SMURF2: variants seen among roughly 807,000 people sequenced by gnomAD.
The protein encoded by SMURF2 is SMAD specific E3 ubiquitin protein ligase 2.
Under a neutral mutation model 109.6 loss-of-function variants are expected in SMURF2, and 48 were observed. The observed-to-expected ratio is 0.44, with a 90% CI of 0.35 to 0.56. SMURF2 has a LOEUF of 0.56. SMURF2 is among the 20% of genes least tolerant of loss of function. SMURF2 has a pLI of 0.01. For synonymous variants in SMURF2, 288 were observed against 317.1 expected (o/e 0.91, Z 0.97); for missense variants, 575 against 909.0 (o/e 0.63, Z 4.72).
chr17:64,573,661 T>A (rs1402362731), intron 9 of SMURF2, among the ~76,000 whole-genome samples: 2 of 152,052 alleles, frequency 1.3e-5, no homozygotes, highest in Non-Finnish European at 2.9e-5. Context: ...GAGTGGCAGG[T>A]AGGCAGAAGG....
At chr17:64,550,215 G>A (rs1219308717) in intron 16 of SMURF2, among the ~76,000 whole-genome samples, 1 of 152,148 alleles carries the variant, frequency 6.6e-6, no homozygotes. Flanking sequence ...TTTGCTAACA[G>A]GTCTATTAAC....
rs61533549 is a variant in SMURF2 at position 64,590,755 on chromosome 17, T to C, written c.400+329A>G. On this transcript the variant is annotated intron_variant, in intron 5 of 18. Coordinates refer to ENST00000262435, the MANE Select transcript of SMURF2 (RefSeq NM_022739.4). ...CAAGTTCAATAGAATGTTCTCTTCT[T>C]ACTAAAAAAACTAGTTTGAGAATTA... Among the ~76,000 whole-genome samples the C allele has an allele frequency of 3.5e-3, 531 of 152,298 alleles. 2 individuals are homozygous for C. Among genetic ancestry groups the C allele is most frequent in the African/African-American group, 0.012 (511 of 41,572 alleles).
chr17:64,623,757 T>C (rs1214629167), intron 1 of SMURF2, among the ~76,000 whole-genome samples: 3 of 152,204 alleles, frequency 2.0e-5, no homozygotes, highest in East Asian at 1.9e-4. Flanking sequence ...CTTATCAACA[T>C]TAGCAGCAGA....
chr17:64,627,301 A>T (rs1223903173), intron 1 of SMURF2, among the ~76,000 whole-genome samples: 2 of 151,894 alleles, frequency 1.3e-5, no homozygotes, highest in South Asian at 4.1e-4. Flanking sequence ...TTTTTAGTAG[A>T]GATGGGGTTT....
intron 2 of SMURF2, among the ~76,000 whole-genome samples, chr17:64,600,011 T>C (rs1555688414): frequency 6.6e-6 from 1 of 152,116 alleles, no homozygotes; most frequent in African/African-American, 2.4e-5. Flanking sequence ...CTTGGACTGA[T>C]TGAGGTAGAT....
chr17:64,640,074 C>T (rs1970474699), intron 1 of SMURF2, among the ~76,000 whole-genome samples: 1 of 152,122 alleles, frequency 6.6e-6, no homozygotes, highest in Non-Finnish European at 1.5e-5. Flanking sequence ...ATTTACAGAT[C>T]TTTAGATTTA....
At chr17:64,623,599 T>A (rs962140439) in intron 1 of SMURF2, among the ~76,000 whole-genome samples, 1 of 152,258 alleles carries the variant, frequency 6.6e-6, no homozygotes, top group Non-Finnish European at 1.5e-5. Flanking sequence ...CCCAGTAAAA[T>A]TTCCAGTGCA....
intron 1 of SMURF2, among the ~76,000 whole-genome samples, chr17:64,627,277 G>A (rs955017772): frequency 6.6e-6 from 1 of 152,010 alleles, no homozygotes; most frequent in African/African-American, 2.4e-5. Context: ...ACCACGCCCA[G>A]CTAATTTTTG....
chr17:64,590,144 C>CTTTTTTTTTT (rs200015210), intron 5 of SMURF2, among the ~76,000 whole-genome samples: 4 of 136,952 alleles, frequency 2.9e-5, no homozygotes, highest in African/African-American at 8.4e-5. Flanking sequence ...TTTTTCTTTT[C>CTTTTTTTTTT]TTTTTTTTTT....
chr17:64,567,122 T>TGCTGGGA (rs1342321659), intron 10 of SMURF2, among the ~76,000 whole-genome samples: 1 of 151,874 alleles, frequency 6.6e-6, no homozygotes, highest in Non-Finnish European at 1.5e-5. Context: ...CCTCCCAAAG[T>TGCTGGGA]GCTGGGATTA....
At chr17:64,573,764 A>G (rs928119992) in intron 9 of SMURF2, among the ~76,000 whole-genome samples, 7 of 151,002 alleles carry the variant, frequency 4.6e-5, no homozygotes, top group Admixed American at 6.7e-5. Flanking sequence ...CAGCCTCCCA[A>G]AGTGCTGGGA....
chr17:64,628,688 T>C (rs1297367964), intron 1 of SMURF2, among the ~76,000 whole-genome samples: 1 of 152,096 alleles, frequency 6.6e-6, no homozygotes, highest in Admixed American at 6.5e-5. Flanking sequence ...AACCAATGGC[T>C]CAATAACTCA....
intron 6 of SMURF2, 63 bp downstream of exon 6, chr17:64,586,023 T>C: frequency 9.0e-7 from 1 of 1,116,704 alleles, no homozygotes; most frequent in Non-Finnish European, 1.3e-6. Flanking sequence ...CACCCACTTA[T>C]TTCTATTCTT....
chr17:64,556,000 T>C lies in SMURF2; in HGVS notation c.1432-2A>G. On this transcript the variant is annotated splice_acceptor_variant, in intron 13 of 18. Transcript: ENST00000262435. LOFTEE classifies it high-confidence loss of function. Reference sequence around the variant, plus strand: ...AAAGTGGAAATAGGATAAATGTTCCTGAAATTGAAAACAGTATATATACTC... The same window carrying C: ...AAAGTGGAAATAGGATAAATGTTCCCGAAATTGAAAACAGTATATATACTC... 1.2e-6 allele frequency: 2 copies of C among 1,606,766 alleles called. No homozygotes were observed. Among genetic ancestry groups the C allele is most frequent in the Non-Finnish European group, 1.7e-6 (2 of 1,175,560 alleles).
chr17:64,559,485 C>T (rs1969178916), intron 12 of SMURF2, among the ~76,000 whole-genome samples: 1 of 151,536 alleles, frequency 6.6e-6, no homozygotes, highest in Non-Finnish European at 1.5e-5. Context: ...TCCAGCTACC[C>T]GGGAGACTGA....
chr17:64,660,396 G>A (rs1027931126), intron 1 of SMURF2, among the ~76,000 whole-genome samples: 1 of 152,186 alleles, frequency 6.6e-6, no homozygotes, highest in Admixed American at 6.5e-5. Context: ...TGAATGAGGG[G>A]GGAGGGGGTG....
At chr17:64,554,769 T>G in intron 15 of SMURF2, 87 bp downstream of exon 15, 1 of 1,230,580 alleles carries the variant, frequency 8.1e-7, no homozygotes, top group African/African-American at 1.5e-5. Context: ...TAACACTAAG[T>G]AGTACTATCT....
intron 5 of SMURF2, among the ~76,000 whole-genome samples, chr17:64,589,108 T>C (rs1245230327): frequency 1.3e-5 from 2 of 152,216 alleles, no homozygotes; most frequent in Non-Finnish European, 2.9e-5. Context: ...TCTTTATTAA[T>C]GGTCCTATTA....
chr17:64,560,110 G>A (rs1398527958), intron 12 of SMURF2, among the ~76,000 whole-genome samples: 1 of 151,580 alleles, frequency 6.6e-6, no homozygotes, highest in East Asian at 1.9e-4. Flanking sequence ...AGCTCTTTAG[G>A]AGGCTGAGGC....
Sources: gnomAD v4.1 joint callset for allele counts (sites outside exome capture counted in the v4.1 genomes callset) on GRCh38, gnomAD v4.1.1 for gene constraint, MANE v1.5 for transcripts, NCBI Gene and HGNC (gene_info 2026-07-23, HGNC 2026-07-21) for gene names.